EPS8: variants seen among roughly 807,000 people sequenced by gnomAD.
EPS8 encodes EGFR pathway substrate 8, signaling adaptor, also known as epidermal growth factor receptor kinase substrate 8.
EPS8 carries 42 observed loss-of-function variants against 103.8 expected under a neutral mutation model. The ratio of observed to expected loss-of-function variants is 0.40; its 90% CI spans 0.32 to 0.52. The LOEUF (loss-of-function observed/expected upper bound fraction) is 0.52, where lower values mean the gene tolerates loss of function less well. Ranked by LOEUF, EPS8 falls within the 20% of genes least tolerant of loss-of-function variation. The pLI is 0.40. For missense variants in EPS8, 969 were observed against 1,005.1 expected (o/e 0.96, Z 0.49); for synonymous variants, 344 against 344.6 (o/e 1.00, Z 0.02).
rs996372981 is a variant in EPS8 at position 15,777,327 on chromosome 12, T to C, written c.-22+11834A>G. Among the ~76,000 whole-genome samples the C allele has an allele frequency of 4.6e-5, 7 of 152,080 alleles. No homozygotes were observed. The highest frequency in any genetic ancestry group is 8.8e-5 in the Non-Finnish European group (6 of 67,992). On this transcript the variant is annotated intron_variant, in intron 1 of 20. Coordinates refer to ENST00000281172, the MANE Select transcript of EPS8 (RefSeq NM_004447.6). The surrounding 1 kb of genome is among the most constrained non-coding windows in gnomAD (Gnocchi z 4.7). The stretch of plus-strand genomic sequence containing the variant: ...AACAAAAAACCAACAGCATATGTTC[T>C]AATATATGACCAAAACCACAGTGGA...
chr12:15,671,163 G>A (rs1945810200), intron 3 of EPS8, among the ~76,000 whole-genome samples: 1 of 152,042 alleles, frequency 6.6e-6, no homozygotes, highest in South Asian at 2.1e-4. Flanking sequence ...GAATTCCAAA[G>A]GTTAACAAGA....
At position 15,669,265 on chromosome 12, in the gene EPS8, A is replaced by G. The variant is rs1591838176; in HGVS notation, c.516+122T>C. 3 of 787,902 alleles carry G rather than the reference A, an allele frequency of 3.8e-6. No homozygotes were observed. The East Asian group carries it at 8.5e-5, about 22-fold the overall frequency. The allele number at this position is 787,902 out of a possible 1,614,324, so 48.8% of individuals were successfully genotyped here. On this transcript the variant is annotated intron_variant, in intron 6 of 20. Coordinates refer to ENST00000281172, the MANE Select transcript of EPS8 (RefSeq NM_004447.6). Reference sequence around the variant, plus strand: ...AGATACTAAGGTATTTGTTTTCCTTACGAGATGCTCAGAAACTAAAAATCT... The same window carrying G: ...AGATACTAAGGTATTTGTTTTCCTTGCGAGATGCTCAGAAACTAAAAATCT...
rs1352985745 is a variant in EPS8, at chr12:15,698,606, T to A, written c.-21-15634A>T. Among the ~76,000 whole-genome samples, 1 of 151,744 alleles carries A rather than the reference T, an allele frequency of 6.6e-6. No homozygotes were observed. The highest frequency in any genetic ancestry group is 2.4e-5 in the African/African-American group (1 of 41,308). The stretch of plus-strand genomic sequence containing the variant: ...GCTAAGAAGCCCCAGGAATAGCACG[T>A]ACCGGCACATAGTAGCACATTCAAA... On this transcript the variant is annotated intron_variant, in intron 1 of 20. Transcript: ENST00000281172. This position sits in a 1 kb window ranked among gnomAD's most constrained non-coding sequence, Gnocchi z 4.9.
chr12:15,681,089 A>T, intron 3 of EPS8, 137 bp downstream of exon 3: 1 of 383,610 alleles, frequency 2.6e-6, no homozygotes, highest in Non-Finnish European at 4.8e-6. Context: ...ACTCTTCTTT[A>T]AAATAATCCT....
At position 15,704,279 on chromosome 12, in the gene EPS8, G is replaced by A. The variant is rs1946354734; in HGVS notation, c.-21-21307C>T. On this transcript the variant is annotated intron_variant, in intron 1 of 20. Coordinates refer to ENST00000281172, the MANE Select transcript of EPS8 (RefSeq NM_004447.6). This position sits in a 1 kb window ranked among gnomAD's most constrained non-coding sequence, Gnocchi z 4.6. ...AGAGACTAGATATTTGTACACCCAT[G>A]CTCATATCAACATTATTCACGAGAG... 6.6e-6 allele frequency among the ~76,000 whole-genome samples: 1 copy of A among 152,110 alleles called. No individual in the cohort carries two copies. Among genetic ancestry groups the A allele is most frequent in the African/African-American group, 2.4e-5 (1 of 41,394 alleles).
chr12:15,666,401 A>G (rs1945710889), intron 7 of EPS8, 39 bp downstream of exon 7: 1 of 1,492,160 alleles, frequency 6.7e-7, no homozygotes, highest in Non-Finnish European at 9.3e-7. Flanking sequence ...CCTTAGAAAC[A>G]AATCAATTCC....
intron 8 of EPS8, among the ~76,000 whole-genome samples, chr12:15,663,424 T>C (rs923382988): frequency 9.9e-5 from 15 of 152,088 alleles, no homozygotes; most frequent in African/African-American, 3.6e-4. Context: ...ACCAAAAAGA[T>C]ATTCCTCCTG....
chr12:15,659,956 A>G (rs531838060), intron 10 of EPS8, among the ~76,000 whole-genome samples: 19 of 152,224 alleles, frequency 1.2e-4, no homozygotes, highest in Non-Finnish European at 2.2e-4. Context: ...ATATGGTTCT[A>G]GTTTACAACA....
intron 1 of EPS8, among the ~76,000 whole-genome samples, chr12:15,726,836 C>T (rs1391464305): frequency 6.6e-6 from 1 of 152,078 alleles, no homozygotes; most frequent in East Asian, 1.9e-4. Flanking sequence ...ATCATATAGT[C>T]ATCCTTGAAG....
intron 1 of EPS8, among the ~76,000 whole-genome samples, chr12:15,766,583 C>G (rs1187341177): frequency 6.7e-6 from 1 of 149,980 alleles, no homozygotes; most frequent in African/African-American, 2.5e-5. Flanking sequence ...GAGGCTGAGG[C>G]AGGAGAATTG....
rs528094756 is a variant in EPS8 at position 15,769,077 on chromosome 12, A to G, written c.-22+20084T>C. 5.9e-5 allele frequency among the ~76,000 whole-genome samples: 9 copies of G among 152,190 alleles called. No individual in the cohort carries two copies. The highest frequency in any genetic ancestry group is 1.7e-4 in the African/African-American group (7 of 41,536). Reference sequence around the variant, plus strand: ...GAACAGACAGCCCCCTTCTTTTCCCATATGCCCCCAAGTCAAGCCTCATCT... The same window carrying G: ...GAACAGACAGCCCCCTTCTTTTCCCGTATGCCCCCAAGTCAAGCCTCATCT... On this transcript the variant is annotated intron_variant, in intron 1 of 20. Transcript: ENST00000281172. This position sits in a 1 kb window ranked among gnomAD's most constrained non-coding sequence, Gnocchi z 4.6.
chr12:15,754,974 T>G (rs1337473322), intron 1 of EPS8, among the ~76,000 whole-genome samples: 1 of 152,178 alleles, frequency 6.6e-6, no homozygotes, highest in Non-Finnish European at 1.5e-5. Context: ...CTCTGAAGCC[T>G]AAACCTTGCG....
intron 17 of EPS8, among the ~76,000 whole-genome samples, chr12:15,638,936 G>A (rs1218116136): frequency 6.6e-6 from 1 of 152,140 alleles, no homozygotes; most frequent in Non-Finnish European, 1.5e-5. Flanking sequence ...AACAGCAAAA[G>A]GTAAGAGATA....
intron 9 of EPS8, among the ~76,000 whole-genome samples, chr12:15,661,532 C>G (rs576393697): frequency 4.6e-5 from 7 of 152,192 alleles, no homozygotes; most frequent in Admixed American, 1.3e-4. Flanking sequence ...GCATTTACAG[C>G]ATTCTCATTC....
At position 15,669,655 on chromosome 12, in the gene EPS8, C is replaced by T. The variant is rs566695462; in HGVS notation, c.366+9G>A. 3 of 1,581,190 alleles carry T rather than the reference C, an allele frequency of 1.9e-6. No individual in the cohort carries two copies. In the East Asian group the frequency reaches 6.7e-5, roughly 36 times the overall value. ...TGAAAATAAAATAGTATAAATTTTA[C>T]ACACTTGCCTTTGATTCTAAATCAA... On this transcript the variant is annotated intron_variant, in intron 5 of 20. Transcript: ENST00000281172.
At chr12:15,625,237 G>C (rs1351680356) in intron 18 of EPS8, among the ~76,000 whole-genome samples, 3 of 152,066 alleles carry the variant, frequency 2.0e-5, no homozygotes, top group Non-Finnish European at 4.4e-5. Flanking sequence ...CTGTTTCCCT[G>C]CTCCCAAGGC....
intron 1 of EPS8, among the ~76,000 whole-genome samples, chr12:15,726,151 C>T (rs2950437): frequency 0.012 from 1,878 of 152,134 alleles, 32 homozygotes; most frequent in African/African-American, 0.037. Context: ...TATCTGAGGA[C>T]TATTTCACAA....
intron 1 of EPS8, among the ~76,000 whole-genome samples, chr12:15,773,497 T>C (rs1306063908): frequency 6.6e-6 from 1 of 151,908 alleles, no homozygotes; most frequent in African/African-American, 2.4e-5. Flanking sequence ...ACATGAAATA[T>C]TTTAGAACTG....
chr12:15,663,948 AATATATATAT>A (rs58743830), intron 8 of EPS8, among the ~76,000 whole-genome samples: 8,644 of 49,216 alleles, frequency 0.18, 975 homozygotes, highest in African/African-American at 0.39. Flanking sequence ...AAAAAAAAAT[AATATATATAT>A]ATATATATAT....
Sources: allele counts gnomAD v4.1 joint callset (sites outside exome capture counted in the v4.1 genomes callset), GRCh38; gene constraint gnomAD v4.1.1; non-coding constraint Gnocchi (gnomAD v3.1); transcripts MANE v1.5; gene names NCBI Gene and HGNC (gene_info 2026-07-23, HGNC 2026-07-21).